The following SCAPER variants were observed in gnomAD, a reference collection of about 807,000 sequenced individuals.
SCAPER encodes the protein S-phase cyclin A associated protein in the ER.
Under a neutral mutation model 182.2 loss-of-function variants are expected in SCAPER, and 98 were observed. The observed-to-expected ratio is 0.54, with a 90% CI of 0.46 to 0.64. The LOEUF (loss-of-function observed/expected upper bound fraction) is 0.64, where lower values mean the gene tolerates loss of function less well. SCAPER is among the 30% of genes least tolerant of loss of function. The probability of loss-of-function intolerance (pLI) is 0.00; values close to 1 mark genes in which losing one functional copy is unlikely to be tolerated. For synonymous variants in SCAPER, 605 were observed against 564.6 expected, an observed-to-expected ratio of 1.07 and a Z score of -1.01; for missense variants, 1,432 against 1,690.0, an observed-to-expected ratio of 0.85 and a Z score of 2.68.
intron 22 of SCAPER, among the ~76,000 whole-genome samples, chr15:76,608,404 G>A (rs1425336046): frequency 2.0e-5 from 3 of 152,170 alleles, no homozygotes; most frequent in Non-Finnish European, 4.4e-5. Context: ...GTACCCGGTC[G>A]TGTAAGGTGT....
rs997779195 is a variant in SCAPER, at chr15:76,716,725, T to C, written c.2166-10741A>G. Among the ~76,000 whole-genome samples the C allele has an allele frequency of 3.3e-5, 5 of 150,538 alleles. No homozygotes were observed. In the Admixed American group the frequency reaches 3.3e-4, roughly 10 times the overall value. ...CAAGCAGAAGAAAGAACCTTGAAGG[T>C]TTCTGAAATGACTCAGAAGAGAAGA... On this transcript the variant is annotated intron_variant, in intron 17 of 31. Coordinates refer to ENST00000563290, the MANE Select transcript of SCAPER (RefSeq NM_020843.4).
At chr15:76,422,496 T>C (rs1381131941) in intron 26 of SCAPER, among the ~76,000 whole-genome samples, 1 of 152,204 alleles carries the variant, frequency 6.6e-6, no homozygotes, top group African/African-American at 2.4e-5. Context: ...CTGAAGTTAC[T>C]TATCAGCTTA....
intron 11 of SCAPER, among the ~76,000 whole-genome samples, chr15:76,766,002 T>C (rs1448608456): frequency 6.6e-6 from 1 of 152,190 alleles, no homozygotes; most frequent in Non-Finnish European, 1.5e-5. Context: ...TTTAAAGTTA[T>C]TTTATTCTTT....
At position 76,510,870 on chromosome 15, in the gene SCAPER, T is replaced by C. The variant is rs989454237; in HGVS notation, c.2839-5896A>G. Among the ~76,000 whole-genome samples, 281 of 147,540 alleles carry C rather than the reference T, an allele frequency of 1.9e-3. 2 individuals carry two copies. The highest frequency in any genetic ancestry group is 6.4e-3 in the African/African-American group (239 of 37,614). On this transcript the variant is annotated intron_variant, in intron 23 of 31. Transcript: ENST00000563290. ...ATAAAGAAACTGGTGCGCGCGTGTG[T>C]GTGTGTGTGTGTGTGTGTGCGCGCG...
chr15:76,781,720 G>C (rs990054705), intron 8 of SCAPER, among the ~76,000 whole-genome samples: 2 of 152,190 alleles, frequency 1.3e-5, no homozygotes, highest in African/African-American at 4.8e-5. Flanking sequence ...CCAGAAGACA[G>C]TGGGGGCCAA....
chr15:76,602,575 T>C (rs2050003250), intron 22 of SCAPER, among the ~76,000 whole-genome samples: 1 of 121,214 alleles, frequency 8.2e-6, no homozygotes, highest in African/African-American at 2.5e-5. Context: ...GGTATTCTCC[T>C]ATTCTCTAAA....
chr15:76,650,009 G>A (rs2054886700), intron 21 of SCAPER, among the ~76,000 whole-genome samples: 1 of 152,112 alleles, frequency 6.6e-6, no homozygotes, highest in African/African-American at 2.4e-5. Flanking sequence ...TGCAGGATTT[G>A]TTACATGAAG....
chr15:76,362,564 C>T (rs1212458059), intron 29 of SCAPER, among the ~76,000 whole-genome samples: 2 of 151,908 alleles, frequency 1.3e-5, no homozygotes, highest in Non-Finnish European at 2.9e-5. Flanking sequence ...AGGCAGGTGC[C>T]ACCATGCCCG....
At chr15:76,613,460 G>T (rs919188432) in intron 22 of SCAPER, among the ~76,000 whole-genome samples, 1 of 152,220 alleles carries the variant, frequency 6.6e-6, no homozygotes, top group South Asian at 2.1e-4. Context: ...AACAGCAAAA[G>T]AAACTATCAA....
chr15:76,884,881 GA>G (rs1230626393), intron 1 of SCAPER, among the ~76,000 whole-genome samples: 1 of 152,180 alleles, frequency 6.6e-6, no homozygotes, highest in African/African-American at 2.4e-5. Context: ...CAATATGGAT[GA>G]AATTTAAAAA....
chr15:76,429,175 T>C (rs963161298), intron 26 of SCAPER, among the ~76,000 whole-genome samples: 2 of 152,072 alleles, frequency 1.3e-5, no homozygotes, highest in Admixed American at 1.3e-4. Context: ...TCCAGCATGA[T>C]TGTGAGGCCT....
intron 26 of SCAPER, among the ~76,000 whole-genome samples, chr15:76,432,125 A>G (rs1449808351): frequency 6.6e-6 from 1 of 152,240 alleles, no homozygotes. Context: ...GATGACAAGC[A>G]TGCAGGGTTG....
chr15:76,874,484 T>TAA (rs968104977), intron 2 of SCAPER, among the ~76,000 whole-genome samples: 5 of 143,630 alleles, frequency 3.5e-5, no homozygotes, highest in African/African-American at 1.3e-4. Context: ...ACAGAAAAAT[T>TAA]AAAAAAAAAA....
chr15:76,718,306 T>C (rs576410134), intron 17 of SCAPER, among the ~76,000 whole-genome samples: 2 of 152,078 alleles, frequency 1.3e-5, no homozygotes, highest in African/African-American at 4.8e-5. Context: ...AGTTTCTGCA[T>C]AGCAAAGAAA....
At chr15:76,862,757 T>C (rs979246535) in intron 2 of SCAPER, among the ~76,000 whole-genome samples, 2 of 152,156 alleles carry the variant, frequency 1.3e-5, no homozygotes, top group Non-Finnish European at 2.9e-5. Flanking sequence ...AAATAATAAA[T>C]ATAATCTAAG....
At position 76,650,276 on chromosome 15, in the gene SCAPER, C is replaced by T. The variant is rs533832274; in HGVS notation, c.2645+15377G>A. 3.3e-5 allele frequency among the ~76,000 whole-genome samples: 5 copies of T among 151,676 alleles called. No individual in the cohort carries two copies. The East Asian group carries it at 7.7e-4, about 23-fold the overall frequency. ...CAATTACATGATTATAATAGTTACA[C>T]ATTAAATATAAAGAGACATAGTTAA... is the stretch of plus-strand genomic sequence containing the variant. On this transcript the variant is annotated intron_variant, in intron 21 of 31. Coordinates refer to ENST00000563290, the MANE Select transcript of SCAPER (RefSeq NM_020843.4).
At chr15:76,489,523 C>T (rs1391768683) in intron 24 of SCAPER, among the ~76,000 whole-genome samples, 1 of 151,808 alleles carries the variant, frequency 6.6e-6, no homozygotes, top group Non-Finnish European at 1.5e-5. Flanking sequence ...TGGAATTGTG[C>T]CACATGTAGC....
intron 15 of SCAPER, 117 bp downstream of exon 15, chr15:76,753,691 G>C: frequency 8.6e-7 from 1 of 1,159,894 alleles, no homozygotes; most frequent in South Asian, 1.8e-5. Context: ...TGTGTAAAAT[G>C]CTGTTATTCT....
intron 5 of SCAPER, among the ~76,000 whole-genome samples, chr15:76,826,634 A>G (rs919133613): frequency 6.6e-5 from 10 of 152,106 alleles, no homozygotes; most frequent in African/African-American, 1.9e-4. Flanking sequence ...ACATCCATAG[A>G]AGGAGGAGCA....
Sources: allele counts gnomAD v4.1 joint callset (sites outside exome capture counted in the v4.1 genomes callset), GRCh38; gene constraint gnomAD v4.1.1; transcripts MANE v1.5; gene names NCBI Gene and HGNC (gene_info 2026-07-23, HGNC 2026-07-21).